Variants in CAST observed in about 807,000 individuals in gnomAD.
The protein encoded by CAST is calpastatin.
Under a neutral mutation model 119.6 loss-of-function variants are expected in CAST, and 76 were observed. That is an observed-to-expected ratio of 0.64 (90% CI 0.53 to 0.77). CAST has a LOEUF of 0.77. Among genes scored for constraint, CAST ranks in the 30% least tolerant of loss-of-function variants. The probability of loss-of-function intolerance (pLI) is 0.00; values close to 1 mark genes in which losing one functional copy is unlikely to be tolerated. For synonymous variants in CAST, 319 were observed against 331.6 expected (o/e 0.96, Z 0.41); for missense variants, 953 against 946.5 (o/e 1.01, Z -0.09).
At chr5:96,059,626 C>A in the CAST span, among the ~76,000 whole-genome samples, 1 of 151,978 alleles carries the variant, frequency 6.6e-6, no homozygotes, top group Non-Finnish European at 1.5e-5. Flanking sequence ...ATGTGAAGGC[C>A]AGTAATAAAT....
the CAST span, among the ~76,000 whole-genome samples, chr5:96,218,923 G>C: frequency 2.0e-5 from 3 of 152,098 alleles, no homozygotes; most frequent in Admixed American, 2.0e-4. Flanking sequence ...TGTACTGTGT[G>C]GGGTGTTTGG....
the CAST span, chr5:96,416,200 A>T: frequency 7.3e-6 from 7 of 954,012 alleles, no homozygotes; most frequent in Admixed American, 1.2e-4. Context: ...TTAATGGGGC[A>T]TAGGTATATT....
At chr5:96,409,665 C>A in the CAST span, among the ~76,000 whole-genome samples, 2 of 152,308 alleles carry the variant, frequency 1.3e-5, no homozygotes, top group South Asian at 4.1e-4. Context: ...GCTCTGGACA[C>A]CCAGGGAAAT....
At chr5:96,653,812 C>A (rs1262678223) in intron 1 of CAST, among the ~76,000 whole-genome samples, 1 of 151,960 alleles carries the variant, frequency 6.6e-6, no homozygotes, top group Admixed American at 6.6e-5. Flanking sequence ...GACTGAAAAG[C>A]AAAATAAATA....
the CAST span, among the ~76,000 whole-genome samples, chr5:96,389,904 T>TA: frequency 1.3e-5 from 2 of 151,882 alleles, no homozygotes; most frequent in Admixed American, 1.3e-4. Context: ...CATTGCACTG[T>TA]AGTCCGGGCA....
At chr5:96,365,450 TG>T in the CAST span, among the ~76,000 whole-genome samples, 1 of 152,230 alleles carries the variant, frequency 6.6e-6, no homozygotes, top group Non-Finnish European at 1.5e-5. Flanking sequence ...TATTATTGTG[TG>T]GTAGTCTAAG....
chr5:96,298,879 A>AGAGTGTGTGT, the CAST span, among the ~76,000 whole-genome samples: 52 of 149,698 alleles, frequency 3.5e-4, no homozygotes, highest in Middle Eastern at 3.5e-3. Context: ...AAATTAGGAG[A>AGAGTGTGTGT]GTGTGTGTGT....
At chr5:96,367,286 G>C in the CAST span, among the ~76,000 whole-genome samples, 1 of 120,816 alleles carries the variant, frequency 8.3e-6, no homozygotes, top group African/African-American at 3.2e-5. Flanking sequence ...CCCACTTGAG[G>C]GGGCAGTCTG....
chr5:96,149,313 T>A, the CAST span, among the ~76,000 whole-genome samples: 37 of 152,348 alleles, frequency 2.4e-4, 2 homozygotes, highest in African/African-American at 8.7e-4. Context: ...CAGTGCCTTA[T>A]TGATGGATGG....
At chr5:96,616,086 C>G (rs896341281) in intron 1 of CAST, among the ~76,000 whole-genome samples, 1 of 121,232 alleles carries the variant, frequency 8.2e-6, no homozygotes, top group Non-Finnish European at 1.7e-5. Context: ...AGATGGTGTT[C>G]GTGTTCACCC....
intron 1 of CAST, among the ~76,000 whole-genome samples, chr5:96,609,473 G>T (rs1747320690): frequency 6.6e-6 from 1 of 152,092 alleles, no homozygotes; most frequent in Non-Finnish European, 1.5e-5. Flanking sequence ...TCCAAATATT[G>T]ATCCAGTATG....
chr5:96,197,575 G>A, the CAST span, among the ~76,000 whole-genome samples: 59 of 152,238 alleles, frequency 3.9e-4, no homozygotes, highest in Middle Eastern at 3.4e-3. Flanking sequence ...AAGGGAAGTC[G>A]TATGTTGACA....
the CAST span, among the ~76,000 whole-genome samples, chr5:96,145,320 T>C: frequency 6.6e-6 from 1 of 152,202 alleles, no homozygotes; most frequent in South Asian, 2.1e-4. Context: ...AGGAGAATTT[T>C]TATTTAGGTT....
At chr5:95,970,033 T>C in the CAST span, among the ~76,000 whole-genome samples, 1 of 152,220 alleles carries the variant, frequency 6.6e-6, no homozygotes, top group Admixed American at 6.5e-5. Flanking sequence ...ACAGGTATCT[T>C]ATGCTTGAGG....
the CAST span, among the ~76,000 whole-genome samples, chr5:96,390,245 C>T: frequency 6.6e-6 from 1 of 152,174 alleles, no homozygotes; most frequent in Admixed American, 6.5e-5. Flanking sequence ...GCCCAATTTC[C>T]TAAAAAGGAA....
intron 5 of CAST, among the ~76,000 whole-genome samples, 176 bp downstream of exon 5, chr5:96,727,035 G>T (rs1759379733): frequency 6.6e-6 from 1 of 152,196 alleles, no homozygotes; most frequent in African/African-American, 2.4e-5. Context: ...AATTTTCACT[G>T]CTTTCTGTGC....
chr5:96,619,357 C>T (rs916821696), intron 1 of CAST, among the ~76,000 whole-genome samples: 1 of 152,170 alleles, frequency 6.6e-6, no homozygotes, highest in Non-Finnish European at 1.5e-5. Flanking sequence ...AATCAGCACC[C>T]TGTCAAAATG....
the CAST span, among the ~76,000 whole-genome samples, chr5:96,150,475 G>A: frequency 3.9e-5 from 6 of 152,188 alleles, no homozygotes; most frequent in African/African-American, 1.4e-4. Flanking sequence ...GAGGCTTCCA[G>A]GGAACCACTC....
chr5:96,493,008 CA>C, the CAST span, among the ~76,000 whole-genome samples: 13 of 151,782 alleles, frequency 8.6e-5, no homozygotes, highest in African/African-American at 1.5e-4. Flanking sequence ...CAAAAACAAA[CA>C]AAAAAATACT....
Sources: allele counts gnomAD v4.1 joint callset (sites outside exome capture counted in the v4.1 genomes callset), GRCh38; gene constraint gnomAD v4.1.1; transcripts MANE v1.5; gene names NCBI Gene and HGNC (gene_info 2026-07-23, HGNC 2026-07-21).